The following RARB variants were observed in gnomAD, a reference collection of about 807,000 sequenced individuals.
The protein encoded by RARB is retinoic acid receptor beta, also known as HBV-activated protein.
In RARB, 17 loss-of-function variants were observed where a neutral mutation model predicts 51.9. The observed-to-expected ratio is 0.33, with a 90% CI of 0.22 to 0.49. The LOEUF (loss-of-function observed/expected upper bound fraction) is 0.49, where lower values mean the gene tolerates loss of function less well. Among genes scored for constraint, RARB ranks in the 20% least tolerant of loss-of-function variants. The pLI is 0.99. For synonymous variants in RARB, 215 were observed against 195.4 expected (o/e 1.10, Z -0.84); for missense variants, 369 against 550.8 (o/e 0.67, Z 3.30).
At chr3:24,859,778 G>C (rs1304127352) in intron 2 of RARB, among the ~76,000 whole-genome samples, 1 of 152,138 alleles carries the variant, frequency 6.6e-6, no homozygotes, top group Non-Finnish European at 1.5e-5. Flanking sequence ...TGGGCCATAT[G>C]GTCTGTCACA....
chr3:24,960,660 C>T (rs1375612836), intron 2 of RARB, among the ~76,000 whole-genome samples: 2 of 152,052 alleles, frequency 1.3e-5, no homozygotes, highest in Non-Finnish European at 1.5e-5. Flanking sequence ...GAATAAAATG[C>T]TGTGAATGGA....
chr3:25,026,609 C>A (rs891834537), intron 2 of RARB, among the ~76,000 whole-genome samples: 1 of 141,644 alleles, frequency 7.1e-6, no homozygotes, highest in Non-Finnish European at 1.5e-5. Context: ...TTTGAAGGCC[C>A]AATCTCCAAA....
chr3:25,360,555 G>A (rs1199195176), intron 5 of RARB, among the ~76,000 whole-genome samples: 1 of 152,164 alleles, frequency 6.6e-6, no homozygotes, highest in Non-Finnish European at 1.5e-5. Context: ...ACTTGATGCG[G>A]TTTCTTAAGA....
At chr3:25,594,392 C>A in intron 6 of RARB, 128 bp from the exon 7 acceptor site, 1 of 1,043,512 alleles carries the variant, frequency 9.6e-7, no homozygotes, top group Non-Finnish European at 1.3e-6. Context: ...CTGCATAAGT[C>A]TGCAAATTTG....
At chr3:24,888,150 T>G (rs1703299683) in intron 2 of RARB, among the ~76,000 whole-genome samples, 1 of 152,214 alleles carries the variant, frequency 6.6e-6, no homozygotes, top group Admixed American at 6.5e-5. Flanking sequence ...GATACAGCCC[T>G]TTTCACATAT....
chr3:25,426,488 G>A (rs1171430386), upstream of RARB, among the ~76,000 whole-genome samples: 1 of 152,258 alleles, frequency 6.6e-6, no homozygotes, highest in Non-Finnish European at 1.5e-5. Flanking sequence ...GTGCCACTTA[G>A]CAACTCCACT....
chr3:24,928,728 C>G (rs1695376940), intron 2 of RARB, among the ~76,000 whole-genome samples: 1 of 152,000 alleles, frequency 6.6e-6, no homozygotes, highest in African/African-American at 2.4e-5. Context: ...GGATAATTCA[C>G]TTTCTCAGCT....
In RARB at chr3:25,191,785, G is replaced by T. The variant is rs147095580; in HGVS notation, c.178+17210G>T. On this transcript the variant is annotated intron_variant, in intron 5 of 11. Coordinates refer to the RARB transcript ENST00000383772. ...TGGAGATTAAAATATCTATAATCCA[G>T]TGTTACAAGGCACAGTAGTTTGCTT... 7.2e-5 allele frequency among the ~76,000 whole-genome samples: 11 copies of T among 152,182 alleles called. No individual in the cohort carries two copies. The East Asian group carries it at 1.9e-3, about 27-fold the overall frequency.
intron 3 of RARB, among the ~76,000 whole-genome samples, chr3:25,540,330 T>A (rs1348194324): frequency 6.6e-6 from 1 of 152,122 alleles, no homozygotes; most frequent in African/African-American, 2.4e-5. Flanking sequence ...TTAATCTTCC[T>A]AGTTAATTTG....
intron 4 of RARB, among the ~76,000 whole-genome samples, chr3:25,141,435 T>C (rs773857811): frequency 2.6e-5 from 4 of 151,800 alleles, no homozygotes; most frequent in Non-Finnish European, 4.4e-5. Context: ...TTTACCACTT[T>C]AGGTGGCCAC....
intron 3 of RARB, among the ~76,000 whole-genome samples, chr3:25,131,022 AT>A (rs1349777126): frequency 3.4e-5 from 5 of 145,454 alleles, no homozygotes; most frequent in African/African-American, 1.4e-4. Context: ...CAATGAAATT[AT>A]ATATTTTATC....
At chr3:25,044,303 T>C (rs9812720) in intron 2 of RARB, among the ~76,000 whole-genome samples, 2,807 of 152,264 alleles carry the variant, frequency 0.018, 52 homozygotes, top group African/African-American at 0.039. Context: ...ACATGAGAAA[T>C]TGGCCTTGTG....
chr3:24,977,894 CA>C (rs1696553653), intron 2 of RARB, among the ~76,000 whole-genome samples: 1 of 152,144 alleles, frequency 6.6e-6, no homozygotes, highest in African/African-American at 2.4e-5. Context: ...GTGGGTTTGT[CA>C]TAAATAGCTC....
At chr3:24,892,478 C>A (rs1703404720) in intron 2 of RARB, among the ~76,000 whole-genome samples, 1 of 152,148 alleles carries the variant, frequency 6.6e-6, no homozygotes, top group Non-Finnish European at 1.5e-5. Context: ...ATGTTCCTTG[C>A]ATTTTCAACT....
intron 3 of RARB, among the ~76,000 whole-genome samples, chr3:25,124,598 ACAG>A (rs1699833755): frequency 6.6e-6 from 1 of 152,162 alleles, no homozygotes; most frequent in African/African-American, 2.4e-5. Flanking sequence ...CCCCTTGGAA[ACAG>A]CAGTATTTCA....
chr3:25,583,536 G>T (rs1202539372), intron 5 of RARB, among the ~76,000 whole-genome samples: 1 of 152,252 alleles, frequency 6.6e-6, no homozygotes, highest in African/African-American at 2.4e-5. Context: ...CACTTTCACA[G>T]GAAGATGCGG....
At chr3:25,454,755 G>A (rs1316019983) in intron 1 of RARB, among the ~76,000 whole-genome samples, 1 of 152,076 alleles carries the variant, frequency 6.6e-6, no homozygotes, top group African/African-American at 2.4e-5. Flanking sequence ...TTAGAAAAAT[G>A]CCAAGCATGT....
At chr3:25,008,115 G>A (rs1240434232) in intron 2 of RARB, among the ~76,000 whole-genome samples, 1 of 152,120 alleles carries the variant, frequency 6.6e-6, no homozygotes, top group African/African-American at 2.4e-5. Flanking sequence ...CTTGTAATAG[G>A]TAATCTCTAC....
chr3:25,342,419 G>T (rs1293706996), intron 5 of RARB, among the ~76,000 whole-genome samples: 1 of 152,162 alleles, frequency 6.6e-6, no homozygotes, highest in Non-Finnish European at 1.5e-5. Context: ...TTCATCGGCT[G>T]CTAGGACAGC....
Sources: gnomAD v4.1 joint callset for allele counts (sites outside exome capture counted in the v4.1 genomes callset) on GRCh38, gnomAD v4.1.1 for gene constraint, MANE v1.5 for transcripts, NCBI Gene and HGNC (gene_info 2026-07-23, HGNC 2026-07-21) for gene names.